The following KMT2E variants were observed in gnomAD, a reference collection of about 807,000 sequenced individuals.
KMT2E encodes histone reader KMT2E.
In KMT2E, 30 loss-of-function variants were observed where a neutral mutation model predicts 184.6. That is an observed-to-expected ratio of 0.16 (90% CI 0.12 to 0.22). The LOEUF is 0.22. Ranked by LOEUF, KMT2E falls within the 10% of genes least tolerant of loss-of-function variation. The pLI is 1.00. For synonymous variants in KMT2E, 815 were observed against 776.5 expected (o/e 1.05, Z -0.82); for missense variants, 2,023 against 2,237.4 (o/e 0.90, Z 1.93).
intron 17 of KMT2E, chr7:105,104,400 A>G (rs1348156250): frequency 6.6e-6 from 1 of 152,218 alleles, no homozygotes; most frequent in Non-Finnish European, 1.5e-5. Flanking sequence ...ATATATATGT[A>G]TCGTGAGCCA....
chr7:105,030,670 T>G (rs930425958), intron 1 of KMT2E, among the ~76,000 whole-genome samples: 2 of 152,202 alleles, frequency 1.3e-5, no homozygotes, highest in African/African-American at 4.8e-5. Context: ...GATAAGGCAT[T>G]CAGGCCACAT....
intron 3 of KMT2E, among the ~76,000 whole-genome samples, chr7:105,054,447 T>C (rs1012498053): frequency 3.2e-5 from 2 of 61,990 alleles, no homozygotes; most frequent in Non-Finnish European, 5.7e-5. Flanking sequence ...AGCAAGTTGC[T>C]CTGTCTGTCT....
intron 3 of KMT2E, among the ~76,000 whole-genome samples, chr7:105,051,368 A>G (rs1194482846): frequency 6.6e-6 from 1 of 150,644 alleles, no homozygotes; most frequent in Non-Finnish European, 1.5e-5. Context: ...TATGTTTACT[A>G]GAGGCGGGGT....
intron 19 of KMT2E, 40 bp from the exon 20 acceptor site, chr7:105,106,482 C>T (rs374395313): frequency 8.5e-6 from 13 of 1,529,328 alleles, no homozygotes; most frequent in East Asian, 2.3e-5. Context: ...TAACAAATAG[C>T]AACAGTGTAA....
intron 13 of KMT2E, among the ~76,000 whole-genome samples, chr7:105,085,981 G>A (rs899821135): frequency 2.6e-5 from 4 of 151,936 alleles, no homozygotes; most frequent in Non-Finnish European, 5.9e-5. Context: ...CCTTTAATTT[G>A]ATTTCTTTAA....
intron 11 of KMT2E, chr7:105,077,713 A>C (rs966561441): frequency 3.3e-6 from 1 of 301,896 alleles, no homozygotes; most frequent in Non-Finnish European, 6.2e-6. Flanking sequence ...ACAGCAATAT[A>C]GGTTGGATAT....
intron 6 of KMT2E, 118 bp downstream of exon 6, chr7:105,066,925 C>A: frequency 1.3e-6 from 1 of 743,032 alleles, no homozygotes; most frequent in Non-Finnish European, 2.3e-6. Flanking sequence ...GGCATGGTGG[C>A]TCATGCCTGT....
At chr7:105,104,343 GA>G (rs1176535919) in intron 17 of KMT2E, 1 of 152,098 alleles carries the variant, frequency 6.6e-6, no homozygotes, top group East Asian at 1.9e-4. Flanking sequence ...AACCTTAAGA[GA>G]TATTCCAAAC....
Position 105,110,872 on chromosome 7 carries a change from AT to A in KMT2E, c.4068+5del. The A allele has an allele frequency of 6.2e-7, 1 of 1,602,852 alleles. No individual in the cohort carries two copies. The highest frequency in any genetic ancestry group is 8.5e-7 in the Non-Finnish European group (1 of 1,169,792). On this transcript the variant is annotated splice_donor_5th_base_variant and intron_variant, in intron 26 of 26. Transcript: ENST00000311117. ...AAGTCCTCCAAAAATGAGCAAGGTAATAACATTGACCTTTCGATGGGTTCCA... is the reference window on the plus strand; with the variant it reads ...AAGTCCTCCAAAAATGAGCAAGGTAAAACATTGACCTTTCGATGGGTTCCA...
At chr7:105,022,546 C>T (rs1399403495) in intron 1 of KMT2E, among the ~76,000 whole-genome samples, 2 of 152,002 alleles carry the variant, frequency 1.3e-5, no homozygotes, top group South Asian at 4.2e-4. Flanking sequence ...AGTAGTTTCT[C>T]TATTGTATAG....
intron 1 of KMT2E, among the ~76,000 whole-genome samples, chr7:105,015,531 A>G (rs1321082062): frequency 6.6e-6 from 1 of 152,176 alleles, no homozygotes; most frequent in East Asian, 1.9e-4. Context: ...GAGACCTTGG[A>G]GAGAATTAAG....
chr7:105,015,561 G>T (rs1167834849), intron 1 of KMT2E, among the ~76,000 whole-genome samples: 1 of 152,160 alleles, frequency 6.6e-6, no homozygotes, highest in Non-Finnish European at 1.5e-5. Context: ...TTCAACTCGA[G>T]GCTGGAGACA....
At chr7:105,015,223 A>G (rs184327831) in intron 1 of KMT2E, among the ~76,000 whole-genome samples, 1 of 152,290 alleles carries the variant, frequency 6.6e-6, no homozygotes, top group East Asian at 1.9e-4. Flanking sequence ...AATATGGCTC[A>G]TTTCAGAAAA....
intron 1 of KMT2E, among the ~76,000 whole-genome samples, chr7:105,022,451 A>G (rs994540334): frequency 6.6e-6 from 1 of 152,120 alleles, no homozygotes; most frequent in South Asian, 2.1e-4. Context: ...GATTAGAAAT[A>G]TGTGTTTTTC....
chr7:105,079,740 G>T (rs1797681027), intron 12 of KMT2E, among the ~76,000 whole-genome samples: 1 of 151,076 alleles, frequency 6.6e-6, no homozygotes, highest in Non-Finnish European at 1.5e-5. Flanking sequence ...GCCCAGGCTG[G>T]TCTCCAACTC....
intron 3 of KMT2E, among the ~76,000 whole-genome samples, chr7:105,052,587 C>A (rs761930263): frequency 2.0e-5 from 3 of 151,912 alleles, no homozygotes; most frequent in Non-Finnish European, 4.4e-5. Context: ...GAGAAGGAGT[C>A]TCACTCTGTC....
intron 1 of KMT2E, among the ~76,000 whole-genome samples, chr7:105,024,015 C>G (rs1186421831): frequency 3.9e-5 from 6 of 152,094 alleles, no homozygotes; most frequent in Non-Finnish European, 8.8e-5. Flanking sequence ...ACTTTCATTA[C>G]ATTATGATAA....
intron 23 of KMT2E, among the ~76,000 whole-genome samples, chr7:105,109,842 ACTT>A (rs1799110759): frequency 7.0e-6 from 1 of 143,776 alleles, no homozygotes; most frequent in South Asian, 2.2e-4. Flanking sequence ...AATAAGATTA[ACTT>A]TTTTTTTTTT....
chr7:105,095,030 CACT>C (rs1401188117), intron 15 of KMT2E, among the ~76,000 whole-genome samples: 2 of 152,046 alleles, frequency 1.3e-5, no homozygotes, highest in Admixed American at 6.6e-5. Context: ...TTTCATATAC[CACT>C]GATTAAAATC....
Sources: allele counts gnomAD v4.1 joint callset (sites outside exome capture counted in the v4.1 genomes callset), GRCh38; gene constraint gnomAD v4.1.1; transcripts MANE v1.5; gene names NCBI Gene and HGNC (gene_info 2026-07-23, HGNC 2026-07-21).